DLG1: variants seen among roughly 807,000 people sequenced by gnomAD.
DLG1 encodes the protein disks large homolog 1.
Under a neutral mutation model 123.4 loss-of-function variants are expected in DLG1, and 42 were observed. The observed-to-expected ratio is 0.34, with a 90% CI of 0.27 to 0.44. DLG1 has a LOEUF of 0.44. DLG1 is among the 20% of genes least tolerant of loss of function. The pLI is 1.00. For synonymous variants in DLG1, 317 were observed against 356.2 expected, an observed-to-expected ratio of 0.89 and a Z score of 1.24; for missense variants, 942 against 1,082.6, an observed-to-expected ratio of 0.87 and a Z score of 1.82.
intron 12 of DLG1, among the ~76,000 whole-genome samples, chr3:197,116,922 T>C (rs1319024356): frequency 6.6e-6 from 1 of 152,160 alleles, no homozygotes; most frequent in Non-Finnish European, 1.5e-5. Context: ...CTAAATTAGA[T>C]GGTGAATTCC....
At chr3:197,080,950 G>C in intron 17 of DLG1, 101 bp downstream of exon 17, 1 of 1,101,096 alleles carries the variant, frequency 9.1e-7, no homozygotes, top group South Asian at 1.5e-5. Context: ...AAGCACCATG[G>C]CAAGAACTGA....
chr3:197,164,812 C>CT (rs1800571126), intron 5 of DLG1, among the ~76,000 whole-genome samples: 1 of 150,726 alleles, frequency 6.6e-6, no homozygotes, highest in African/African-American at 2.4e-5. Flanking sequence ...GTCCCAGCTA[C>CT]TCGGGAGGGT....
rs1250131337 is a variant in DLG1, at chr3:197,136,691, C to T, written c.884-13G>A. 4 of 1,595,856 alleles carry T rather than the reference C, an allele frequency of 2.5e-6. No individual in the cohort carries two copies. In the Admixed American group the frequency reaches 5.4e-5, roughly 22 times the overall value. ...CTAAACCCAAGACCTGTTTGGAAAA[C>T]AGTTCTAGATTCTCATCCATAAATA... On this transcript the variant is annotated splice_polypyrimidine_tract_variant and intron_variant, in intron 9 of 24. Transcript: ENST00000667157.
chr3:197,296,956 G>GT, intron 2 of DLG1: 2 of 551,730 alleles, frequency 3.6e-6, no homozygotes, highest in Admixed American at 3.3e-5. Context: ...CATCTGTTGG[G>GT]GGGGGGCTAA....
chr3:197,142,804 G>A (rs1484637863), intron 6 of DLG1, 36 bp from the exon 7 acceptor site: 2 of 1,582,570 alleles, frequency 1.3e-6, no homozygotes, highest in Admixed American at 3.8e-5. Context: ...AGAAACTTCA[G>A]AGTGTAAAAT....
chr3:197,147,818 TA>T (rs962813419), intron 6 of DLG1, among the ~76,000 whole-genome samples: 12 of 143,436 alleles, frequency 8.4e-5, no homozygotes, highest in African/African-American at 7.7e-5. Context: ...TTACTGAAAT[TA>T]AAAAAAAAAT....
intron 4 of DLG1, among the ~76,000 whole-genome samples, chr3:197,203,065 G>C (rs886204178): frequency 2.0e-5 from 3 of 152,124 alleles, no homozygotes; most frequent in African/African-American, 7.2e-5. Flanking sequence ...GTGAGCCCAG[G>C]AGTTCAGGAC....
At chr3:197,104,056 T>C (rs1351860391) in intron 14 of DLG1, among the ~76,000 whole-genome samples, 1 of 152,158 alleles carries the variant, frequency 6.6e-6, no homozygotes, top group Non-Finnish European at 1.5e-5. Flanking sequence ...CTTCACCATC[T>C]AGACACACAG....
intron 4 of DLG1, among the ~76,000 whole-genome samples, chr3:197,272,490 T>C (rs1560101189): frequency 1.3e-5 from 2 of 152,266 alleles, no homozygotes; most frequent in African/African-American, 4.8e-5. Flanking sequence ...GTGGTTTTCA[T>C]TGTGCCATTT....
At chr3:197,183,837 C>A (rs1332052638) in intron 5 of DLG1, 1 of 1,542,272 alleles carries the variant, frequency 6.5e-7, no homozygotes, top group Admixed American at 2.0e-5. Flanking sequence ...GGTTGCCAAG[C>A]AGGCTTACTT....
At chr3:197,225,016 G>A (rs1739069035) in intron 4 of DLG1, among the ~76,000 whole-genome samples, 1 of 152,198 alleles carries the variant, frequency 6.6e-6, no homozygotes, top group Non-Finnish European at 1.5e-5. Context: ...GAGTGCAGTG[G>A]CGCGATCTTG....
chr3:197,196,130 T>A (rs1722343651), intron 4 of DLG1, among the ~76,000 whole-genome samples: 1 of 143,812 alleles, frequency 7.0e-6, no homozygotes, highest in African/African-American at 2.6e-5. Context: ...AGTTATCTCT[T>A]GTATAGATAG....
chr3:197,289,563 CCCTA>C (rs1773816235), intron 3 of DLG1, among the ~76,000 whole-genome samples: 1 of 152,096 alleles, frequency 6.6e-6, no homozygotes, highest in Non-Finnish European at 1.5e-5. Flanking sequence ...TGAAATATAA[CCCTA>C]CCATTTCAGA....
chr3:197,171,455 T>C (rs1464572026), intron 5 of DLG1, among the ~76,000 whole-genome samples: 1 of 152,186 alleles, frequency 6.6e-6, no homozygotes, highest in Non-Finnish European at 1.5e-5. Flanking sequence ...CAAACAATTA[T>C]AAAACTAAAC....
At chr3:197,270,435 T>C (rs1192953486) in intron 4 of DLG1, among the ~76,000 whole-genome samples, 1 of 152,074 alleles carries the variant, frequency 6.6e-6, no homozygotes, top group Non-Finnish European at 1.5e-5. Context: ...AAATAACTGA[T>C]CATTAAAAGA....
intron 23 of DLG1, among the ~76,000 whole-genome samples, chr3:197,053,141 T>C (rs186495276): frequency 3.3e-5 from 5 of 152,312 alleles, no homozygotes; most frequent in Admixed American, 2.6e-4. Context: ...TGGATAATTA[T>C]TGCTGCAGCT....
chr3:197,065,760 T>C lies in DLG1; in HGVS notation c.2148A>G (p.Ile716Met), dbSNP rs1739080696. 1.9e-6 allele frequency: 3 copies of C among 1,612,734 alleles called. No individual in the cohort carries two copies. The highest frequency in any genetic ancestry group is 1.7e-6 in the Non-Finnish European group (2 of 1,179,148). Residue 716 changes from isoleucine to methionine, a missense_variant, in exon 21 of 25, where the codon ATA becomes ATG. Physicochemically the swap from Ile to Met is conservative, Grantham distance 10. Coordinates refer to ENST00000667157, the MANE Select transcript of DLG1 (RefSeq NM_001366207.1). Reference sequence around the variant, plus strand: ...GAAATTCTGAGATCAAGTCATCATTTATCCTGTCTTTCATAGGTCCCAATA... The same window carrying C: ...GAAATTCTGAGATCAAGTCATCATTCATCCTGTCTTTCATAGGTCCCAATA... ...VIILGPMKDR[I>M]NDDLISEFPD...
intron 13 of DLG1, 70 bp downstream of exon 13, chr3:197,115,857 C>T: frequency 6.7e-7 from 1 of 1,490,208 alleles, no homozygotes; most frequent in Non-Finnish European, 9.2e-7. Flanking sequence ...TATAAAAAAA[C>T]AGAAGACCTT....
chr3:197,298,428 C>G, intron 1 of DLG1, 108 bp downstream of exon 1: 2 of 398,776 alleles, frequency 5.0e-6, no homozygotes, highest in Non-Finnish European at 8.8e-6. Flanking sequence ...CTTGCCCTAG[C>G]CCACCGGCGC....
Sources: gnomAD v4.1 joint callset for allele counts (sites outside exome capture counted in the v4.1 genomes callset) on GRCh38, gnomAD v4.1.1 for gene constraint, MANE v1.5 for transcripts, NCBI Gene and HGNC (gene_info 2026-07-23, HGNC 2026-07-21) for gene names.